Variants in SQOR observed in about 807,000 individuals in gnomAD.
The protein encoded by SQOR is sulfide:quinone oxidoreductase, mitochondrial.
SQOR carries 39 observed loss-of-function variants against 48.6 expected under a neutral mutation model. The observed-to-expected ratio is 0.80, with a 90% CI of 0.62 to 1.05. The LOEUF is 1.05. Among genes scored for constraint, SQOR ranks in the 50% least tolerant of loss-of-function variants. The pLI is 0.00. For synonymous variants in SQOR, 220 were observed against 206.2 expected (o/e 1.07, Z -0.57); for missense variants, 561 against 559.9 (o/e 1.00, Z -0.02).
chr15:45,655,086 T>G (rs910189456), intron 1 of SQOR, among the ~76,000 whole-genome samples: 56 of 152,318 alleles, frequency 3.7e-4, no homozygotes, highest in Admixed American at 3.1e-3. Context: ...AGGAAAATGA[T>G]TTGGGGCTGC....
intron 1 of SQOR, among the ~76,000 whole-genome samples, chr15:45,650,520 TG>T (rs1234384252): frequency 6.6e-6 from 1 of 152,144 alleles, no homozygotes; most frequent in East Asian, 1.9e-4. Flanking sequence ...GCAAGATTTA[TG>T]GCAAAGAGCA....
At chr15:45,689,290 T>G (rs1273278621) in intron 9 of SQOR, 73 bp downstream of exon 9, 13 of 1,463,752 alleles carry the variant, frequency 8.9e-6, no homozygotes, top group Non-Finnish European at 1.2e-5. Flanking sequence ...GGATGCAGCC[T>G]CTTTTCTTCA....
upstream of SQOR, among the ~76,000 whole-genome samples, chr15:45,632,447 C>G (rs1450160254): frequency 1.3e-5 from 2 of 151,912 alleles, no homozygotes; most frequent in South Asian, 2.1e-4. Flanking sequence ...GTCTCGAACT[C>G]CTGACCTCGT....
At chr15:45,645,584 C>T (rs1895190217) in intron 1 of SQOR, among the ~76,000 whole-genome samples, 1 of 152,212 alleles carries the variant, frequency 6.6e-6, no homozygotes, top group Non-Finnish European at 1.5e-5. Context: ...ATCAGCCCTG[C>T]CTGCCTGAGT....
At chr15:45,646,084 G>A (rs952711454) in intron 1 of SQOR, 3 of 152,146 alleles carry the variant, frequency 2.0e-5, no homozygotes, top group African/African-American at 7.2e-5. Context: ...GTAATTTTGG[G>A]TTATGAAACC....
At chr15:45,687,694 CAG>C (rs1330723394) in intron 7 of SQOR, among the ~76,000 whole-genome samples, 1 of 152,168 alleles carries the variant, frequency 6.6e-6, no homozygotes, top group African/African-American at 2.4e-5. Context: ...CAAAGAAAAA[CAG>C]AAACAAATCC....
At position 45,638,552 on chromosome 15, in the gene SQOR, G is replaced by A. The variant is rs561929120; in HGVS notation, c.-18+3444G>A. On this transcript the variant is annotated intron_variant, in intron 1 of 9. Transcript: ENST00000260324. ...AGCCTGGCCAACATAGAGGAACCCC[G>A]TCTCTACTAAAAATTCAAAATATTA... 1.8e-4 allele frequency among the ~76,000 whole-genome samples: 28 copies of A among 152,134 alleles called. 1 individual carries two copies. Among genetic ancestry groups the A allele is most frequent in the African/African-American group, 5.8e-4 (24 of 41,498 alleles).
Position 45,673,711 on chromosome 15 carries a change from C to T in SQOR, c.564C>T (p.Gly188=), listed in dbSNP as rs765751532. 2 of 1,614,166 alleles carry T rather than the reference C, an allele frequency of 1.2e-6. No individual in the cohort carries two copies. Among genetic ancestry groups the T allele is most frequent in the Non-Finnish European group, 1.7e-6 (2 of 1,180,024 alleles). Residue 188 remains glycine, a synonymous_variant, in exon 5 of 10, where the codon GGC becomes GGT. Coordinates refer to ENST00000260324, the MANE Select transcript of SQOR (RefSeq NM_021199.4). ...TWKALQDFKE[G]NAIFTFPNTP... ...AAGCTCTGCAGGACTTCAAAGAGGG[C>T]AATGCCATCTTCACCTTCCCAAATA...
At chr15:45,659,671 G>C (rs1029718947) in intron 2 of SQOR, among the ~76,000 whole-genome samples, 2 of 152,302 alleles carry the variant, frequency 1.3e-5, no homozygotes, top group Admixed American at 1.3e-4. Flanking sequence ...GTGTGTCTCT[G>C]TGTCCCTGTG....
At chr15:45,659,195 C>CGT (rs113227688) in intron 2 of SQOR, 38 bp downstream of exon 2, 1,344 of 1,339,542 alleles carry the variant, frequency 1.0e-3, no homozygotes, top group South Asian at 1.4e-3. Context: ...TGTGTGTGTA[C>CGT]GTGTGTGTGT....
intron 1 of SQOR, among the ~76,000 whole-genome samples, chr15:45,647,656 G>A (rs1319243033): frequency 6.6e-6 from 1 of 151,584 alleles, no homozygotes; most frequent in Admixed American, 6.6e-5. Context: ...GGCTCAGGCC[G>A]GTAAATCGCA....
chr15:45,658,990 G>A lies in SQOR; in HGVS notation c.67G>A (p.Gly23Ser), dbSNP rs1346889654. 4 of 1,602,024 alleles carry A rather than the reference G, an allele frequency of 2.5e-6. No individual in the cohort carries two copies. The highest frequency in any genetic ancestry group is 2.2e-5 in the South Asian group (2 of 89,302). ...AQLFACLLRLGTQQVGPLQLH... is the reference protein window; with the variant it reads ...AQLFACLLRLSTQQVGPLQLH... ...GCTCTTTGCCTGCCTGCTCAGGCTG[G>A]GCACTCAGCAGGTCGGCCCCCTTCA... Residue 23 changes from glycine to serine, a missense_variant, in exon 2 of 10, where the codon GGC becomes AGC. By Grantham distance (56) the Gly-to-Ser change is moderately conservative (BLOSUM62 0). Coordinates refer to ENST00000260324, the MANE Select transcript of SQOR (RefSeq NM_021199.4).
At position 45,691,043 on chromosome 15, in the gene SQOR, A is replaced by G. The variant is rs541840848; in HGVS notation, c.*13A>G. 4 of 1,613,590 alleles carry G rather than the reference A, an allele frequency of 2.5e-6. No individual in the cohort carries two copies. The South Asian group carries it at 4.4e-5, about 18-fold the overall frequency. The stretch of plus-strand genomic sequence containing the variant: ...AGGTATGAGTTAAGGATGGCTCAGC[A>G]CTTGCTCATCTTGGATGGCTTCTGG... On this transcript the variant is annotated 3_prime_UTR_variant, in exon 10 of 10. Transcript: ENST00000260324.
At chr15:45,688,880 T>C in intron 8 of SQOR, among the ~76,000 whole-genome samples, 159 bp from the exon 9 acceptor site, 1 of 152,260 alleles carries the variant, frequency 6.6e-6, no homozygotes, top group Non-Finnish European at 1.5e-5. Context: ...AGTACTATTT[T>C]TTTTGTAATA....
intron 1 of SQOR, among the ~76,000 whole-genome samples, chr15:45,658,130 A>G (rs1190931574): frequency 6.6e-6 from 1 of 152,220 alleles, no homozygotes; most frequent in Non-Finnish European, 1.5e-5. Context: ...GAAATTGTTT[A>G]CTGAATTGGA....
chr15:45,680,308 G>A (rs1890105222), intron 6 of SQOR, among the ~76,000 whole-genome samples: 2 of 152,140 alleles, frequency 1.3e-5, no homozygotes, highest in African/African-American at 2.4e-5. Context: ...TGCTCAGGCT[G>A]GCCTCAAACT....
intron 1 of SQOR, among the ~76,000 whole-genome samples, chr15:45,655,137 C>T (rs1478522350): frequency 6.6e-6 from 1 of 152,216 alleles, no homozygotes; most frequent in Non-Finnish European, 1.5e-5. Flanking sequence ...CTTCCATACC[C>T]TCACTATCTG....
intron 3 of SQOR, among the ~76,000 whole-genome samples, chr15:45,668,020 C>T (rs1292096941): frequency 6.9e-6 from 1 of 144,948 alleles, no homozygotes; most frequent in Non-Finnish European, 1.5e-5. Flanking sequence ...TCTTGGCTCA[C>T]TGCAACCTCT....
intron 1 of SQOR, among the ~76,000 whole-genome samples, chr15:45,644,579 A>G (rs1895168779): frequency 6.6e-6 from 1 of 152,214 alleles, no homozygotes; most frequent in African/African-American, 2.4e-5. Context: ...ACTGCCATGA[A>G]GGAAGAAGCT....
Sources: gnomAD v4.1 joint callset for allele counts (sites outside exome capture counted in the v4.1 genomes callset) on GRCh38, gnomAD v4.1.1 for gene constraint, MANE v1.5 for transcripts, NCBI Gene and HGNC (gene_info 2026-07-23, HGNC 2026-07-21) for gene names.